Variants in GJA8 observed in about 807,000 individuals in gnomAD.
GJA8 encodes gap junction alpha-8 protein.
A neutral mutation model predicts 15.3 loss-of-function variants in GJA8; 13 were observed. The ratio of observed to expected loss-of-function variants is 0.85; its 90% CI spans 0.55 to 1.35. The LOEUF (loss-of-function observed/expected upper bound fraction) is 1.35. Ranked by LOEUF, GJA8 falls within the 40% of genes most tolerant of loss-of-function variation. The pLI is 0.00. For synonymous variants in GJA8, 304 were observed against 238.7 expected, an observed-to-expected ratio of 1.27 and a Z score of -2.52; for missense variants, 607 against 553.3, an observed-to-expected ratio of 1.10 and a Z score of -0.97.
intron 1 of GJA8, among the ~76,000 whole-genome samples, chr1:147,905,499 A>G (rs1290973445): frequency 6.6e-6 from 1 of 152,264 alleles, no homozygotes; most frequent in South Asian, 2.1e-4. Context: ...ATTCAGTAAG[A>G]TATTAGTAAG....
chr1:147,912,790 C>G (rs587671365), downstream of GJA8, among the ~76,000 whole-genome samples: 1 of 151,790 alleles, frequency 6.6e-6, no homozygotes, highest in East Asian at 1.9e-4. Flanking sequence ...GTTCTAACAC[C>G]ACCCTCAGGG....
At chr1:147,906,281 G>A (rs1307469642) in intron 1 of GJA8, among the ~76,000 whole-genome samples, 2 of 152,204 alleles carry the variant, frequency 1.3e-5, no homozygotes, top group East Asian at 3.8e-4. Context: ...TAACTCTAGA[G>A]ATGTTCAAGC....
downstream of GJA8, among the ~76,000 whole-genome samples, chr1:147,912,613 AT>A (rs1652209306): frequency 6.6e-6 from 1 of 152,144 alleles, no homozygotes; most frequent in South Asian, 2.1e-4. Flanking sequence ...CAGGATTATA[AT>A]CCCCATGGGC....
chr1:147,905,354 G>A (rs1377809914), intron 1 of GJA8, among the ~76,000 whole-genome samples: 2 of 152,160 alleles, frequency 1.3e-5, no homozygotes, highest in African/African-American at 4.8e-5. Flanking sequence ...CTAAAGGGGG[G>A]AAAACAAGAT....
intron 1 of GJA8, among the ~76,000 whole-genome samples, chr1:147,906,559 G>A (rs1651806535): frequency 2.6e-5 from 4 of 152,150 alleles, no homozygotes; most frequent in Admixed American, 1.3e-4. Flanking sequence ...AAGTGTCCTA[G>A]AAGACCTTCC....
chr1:147,907,727 C>A (rs1651853589), intron 1 of GJA8, among the ~76,000 whole-genome samples: 1 of 152,114 alleles, frequency 6.6e-6, no homozygotes, highest in Non-Finnish European at 1.5e-5. Flanking sequence ...TTATTAAACC[C>A]ATTTTACAGA....
chr1:147,913,308 G>C (rs1652254253), downstream of GJA8, among the ~76,000 whole-genome samples: 1 of 152,164 alleles, frequency 6.6e-6, no homozygotes, highest in African/African-American at 2.4e-5. Context: ...TTCAAATACT[G>C]CATAGATTGT....
chr1:147,903,274 C>T (rs587601174), intron 1 of GJA8, among the ~76,000 whole-genome samples: 5 of 152,288 alleles, frequency 3.3e-5, no homozygotes, highest in South Asian at 2.1e-4. Flanking sequence ...GTGGGGGTAG[C>T]GGAGGCTTCG....
intron 1 of GJA8, among the ~76,000 whole-genome samples, chr1:147,906,520 T>C (rs1160106222): frequency 6.6e-6 from 1 of 152,236 alleles, no homozygotes; most frequent in Admixed American, 6.5e-5. Context: ...TTACAGACCC[T>C]GAAACATTTT....
Position 147,908,894 on chromosome 1 carries a change from C to T in GJA8, c.939C>T (p.Ser313=), listed in dbSNP as rs1651951599. ...KISTGPLGDL[S]RGYQETLPSY... ...GCACAGGACCCCTGGGGGACTTGTC[C>T]CGGGGCTACCAAGAGACACTGCCTT... Residue 313 remains serine (S), a synonymous_variant, in exon 2 of 2, where the codon TCC becomes TCT. Transcript: ENST00000369235. 1.2e-6 allele frequency: 2 copies of T among 1,613,800 alleles called. No homozygotes were observed. The highest frequency in any genetic ancestry group is 1.1e-5 in the South Asian group (1 of 91,076).
Position 147,908,012 on chromosome 1 carries a change from C to T in GJA8, c.57C>T (p.Thr19=), listed in dbSNP as rs868966405. ...NILEEVNEHS[T]VIGRVWLTVL... ...TGGAGGAGGTGAATGAGCACTCCAC[C>T]GTCATCGGCAGAGTCTGGCTCACCG... The change falls in exon 2 of 2, where the codon ACC becomes ACT. Residue 19 remains threonine (T), a synonymous_variant. Transcript: ENST00000369235. 1.2e-6 allele frequency: 2 copies of T among 1,614,042 alleles called. No individual in the cohort carries two copies. The highest frequency in any genetic ancestry group is 1.7e-6 in the Non-Finnish European group (2 of 1,179,896).
chr1:147,908,774 A>G lies in GJA8; in HGVS notation c.819A>G (p.Lys273=). 1 of 1,614,142 alleles carries G rather than the reference A, an allele frequency of 6.2e-7. No homozygotes were observed. The highest frequency in any genetic ancestry group is 8.5e-7 in the Non-Finnish European group (1 of 1,179,992). The change falls in exon 2 of 2, where the codon AAA becomes AAG. Residue 273 remains lysine (K), a synonymous_variant. Coordinates refer to ENST00000369235, the MANE Select transcript of GJA8 (RefSeq NM_005267.5). ...AKGYQLLEEE[K]IVSHYFPLTE... is the part of the protein sequence containing the mutation. ...GCTATCAGCTCCTAGAAGAAGAGAA[A>G]ATCGTTTCCCACTATTTCCCCTTGA...
At position 147,909,227 on chromosome 1, in the gene GJA8, C is replaced by CCGAGCCAGGTCAGA; in HGVS notation, c.1276_1289dup (p.Asp430GlufsTer7). 6.2e-7 allele frequency: 1 copy of CCGAGCCAGGTCAGA among 1,608,336 alleles called. No individual in the cohort carries two copies. Among genetic ancestry groups the CCGAGCCAGGTCAGA allele is most frequent in the Non-Finnish European group, 8.5e-7 (1 of 1,176,422 alleles). ...TGAGCAGGCTAAGCAAAGCCAGCAG[C>CCGAGCCAGGTCAGA]CGAGCCAGGTCAGACGATCTAACCG... On this transcript the variant is annotated frameshift_variant, in exon 2 of 2. Transcript: ENST00000369235. LOFTEE classifies it high-confidence loss of function.
downstream of GJA8, among the ~76,000 whole-genome samples, chr1:147,910,240 T>C (rs74123746): frequency 0.034 from 5,172 of 152,320 alleles, 107 homozygotes; most frequent in African/African-American, 0.046. Context: ...GTGGACCAAA[T>C]GAAATATGTG....
downstream of GJA8, among the ~76,000 whole-genome samples, chr1:147,913,261 T>C (rs1652252286): frequency 6.6e-6 from 1 of 152,236 alleles, no homozygotes; most frequent in Non-Finnish European, 1.5e-5. Flanking sequence ...TAAGACCATA[T>C]TGTAAAATGT....
rs1251811834 is a variant in GJA8, at chr1:147,902,832, A to C, written c.-41A>C. On this transcript the variant is annotated 5_prime_UTR_variant, in exon 1 of 2. Coordinates refer to ENST00000369235, the MANE Select transcript of GJA8 (RefSeq NM_005267.5). ...CTGAGCGCCAAGAGAGAAAGAGCAC[A>C]TATTTCTCCGTGGGACACTCCTTGT... Among the ~76,000 whole-genome samples, 1 of 152,168 alleles carries C rather than the reference A, an allele frequency of 6.6e-6. No homozygotes were observed. The highest frequency in any genetic ancestry group is 2.4e-5 in the African/African-American group (1 of 41,430).
intron 1 of GJA8, among the ~76,000 whole-genome samples, chr1:147,905,350 G>C (rs149655670): frequency 2.8e-3 from 427 of 152,298 alleles, no homozygotes; most frequent in Middle Eastern, 0.014. Context: ...GATACTAAAG[G>C]GGGGAAAACA....
downstream of GJA8, among the ~76,000 whole-genome samples, chr1:147,909,629 G>A (rs1480052145): frequency 2.0e-5 from 3 of 152,140 alleles, no homozygotes; most frequent in Non-Finnish European, 4.4e-5. Flanking sequence ...CACTAAGCCA[G>A]AATCTATCAT....
downstream of GJA8, among the ~76,000 whole-genome samples, chr1:147,910,792 G>T (rs1652086061): frequency 6.6e-6 from 1 of 152,192 alleles, no homozygotes; most frequent in East Asian, 1.9e-4. Flanking sequence ...ACCAGAGGGA[G>T]CCTCTCACAA....
Sources: allele counts gnomAD v4.1 joint callset (sites outside exome capture counted in the v4.1 genomes callset), GRCh38; gene constraint gnomAD v4.1.1; transcripts MANE v1.5; gene names NCBI Gene and HGNC (gene_info 2026-07-23, HGNC 2026-07-21).